Variants in SLC25A48 observed in about 807,000 individuals in gnomAD.
SLC25A48 encodes solute carrier family 25 member 48, also known as CTC-321K16.1.
A neutral mutation model predicts 32.2 loss-of-function variants in SLC25A48; 29 were observed. The ratio of observed to expected loss-of-function variants is 0.90; its 90% CI spans 0.67 to 1.23. The LOEUF (loss-of-function observed/expected upper bound fraction) is 1.23, where lower values mean the gene tolerates loss of function less well. Among genes scored for constraint, SLC25A48 ranks in the 50% most tolerant of loss-of-function variants. The probability of loss-of-function intolerance (pLI) is 0.00; values close to 1 mark genes in which losing one functional copy is unlikely to be tolerated. For missense variants in SLC25A48, 399 were observed against 422.7 expected (o/e 0.94, Z 0.49); for synonymous variants, 164 against 172.3 (o/e 0.95, Z 0.38).
At position 135,871,556 on chromosome 5, in the gene SLC25A48, G is replaced by A. The variant is rs368567314; in HGVS notation, c.517G>A (p.Gly173Ser). 1.1e-5 allele frequency: 18 copies of A among 1,614,070 alleles called. No homozygotes were observed. Among genetic ancestry groups the A allele is most frequent in the Non-Finnish European group, 1.5e-5 (18 of 1,180,032 alleles). The change falls in exon 5 of 8, where the codon GGC becomes AGC. Residue 173 changes from glycine (G) to serine (S), a missense_variant. Physicochemically the swap from Gly to Ser is moderately conservative, Grantham distance 56. Coordinates refer to ENST00000681962, the MANE Select transcript of SLC25A48 (RefSeq NM_001349336.2). The part of the protein sequence containing the change: ...HCITTIVRNE[G>S]LAGLYRGASA... ...CATTACAACCATTGTGAGGAATGAG[G>A]GCCTGGCGGGGCTATACCGGGGGGC...
intron 3 of SLC25A48, among the ~76,000 whole-genome samples, chr5:135,754,410 A>G (rs1265249929): frequency 6.6e-6 from 1 of 152,072 alleles, no homozygotes; most frequent in African/African-American, 2.4e-5. Flanking sequence ...ATCATATTAC[A>G]GTGTTGACAT....
Position 135,781,201 on chromosome 5 carries a change from G to A in SLC25A48, c.-520-31322G>A, listed in dbSNP as rs549973152. Among the ~76,000 whole-genome samples the A allele has an allele frequency of 4.3e-5, 5 of 116,430 alleles. 2 individuals are homozygous for A. The highest frequency in any genetic ancestry group is 6.1e-4 in the South Asian group (2 of 3,262). The allele number at this position is 116,430 out of a possible 152,430, so 76.4% of individuals were successfully genotyped here. Reference sequence around the variant, plus strand: ...TGATATTGTTCCCAATATCACAGGCGATGTACACCCCCGCTGTGATATTGT... The same window carrying A: ...TGATATTGTTCCCAATATCACAGGCAATGTACACCCCCGCTGTGATATTGT... On this transcript the variant is annotated intron_variant, in intron 3 of 10. Transcript: ENST00000646290.
intron 7 of SLC25A48, 149 bp downstream of exon 7, chr5:135,880,246 G>T: frequency 8.4e-7 from 1 of 1,185,120 alleles, no homozygotes. Flanking sequence ...CACCCTTTTC[G>T]TCACCAAACA....
intron 1 of SLC25A48, among the ~76,000 whole-genome samples, chr5:135,584,926 A>G (rs1301142383): frequency 6.6e-6 from 1 of 152,254 alleles, no homozygotes; most frequent in African/African-American, 2.4e-5. Context: ...GTTGTTGTAA[A>G]GCTTCTCTCC....
chr5:135,666,315 G>A (rs1175098362), intron 3 of SLC25A48, among the ~76,000 whole-genome samples: 1 of 152,172 alleles, frequency 6.6e-6, no homozygotes, highest in Non-Finnish European at 1.5e-5. Flanking sequence ...TTATTAGAGG[G>A]CTAATTTTAG....
intron 3 of SLC25A48, chr5:135,746,373 A>T (rs1459920168): frequency 6.0e-6 from 1 of 166,764 alleles, no homozygotes; most frequent in African/African-American, 2.4e-5. Flanking sequence ...CACAGAGACA[A>T]GACCACAGTT....
chr5:135,858,406 C>T (rs544317235), intron 4 of SLC25A48, among the ~76,000 whole-genome samples: 5 of 152,316 alleles, frequency 3.3e-5, no homozygotes, highest in Admixed American at 2.0e-4. Context: ...CCACCTCTGC[C>T]GTGCCCCCAC....
At chr5:135,879,599 AGAGAGAGAGAGAGTGTGTGTGTGTGT>A (rs1219190422) in intron 6 of SLC25A48, among the ~76,000 whole-genome samples, 3 of 139,092 alleles carry the variant, frequency 2.2e-5, no homozygotes, top group Non-Finnish European at 4.5e-5. Flanking sequence ...AGAGAGAGAG[AGAGAGAGAGAGAGTGTGTGTGTGTGT>A]GTGTGTGTGT....
At chr5:135,812,288 C>A (rs1162334754) in intron 3 of SLC25A48, among the ~76,000 whole-genome samples, 1 of 152,148 alleles carries the variant, frequency 6.6e-6, no homozygotes, top group Non-Finnish European at 1.5e-5. Context: ...TCCCCTCCAG[C>A]ATTTATCATT....
At chr5:135,789,491 C>T (rs922002984) in intron 3 of SLC25A48, among the ~76,000 whole-genome samples, 11 of 151,442 alleles carry the variant, frequency 7.3e-5, no homozygotes, top group African/African-American at 2.2e-4. Context: ...GGTGTACAAC[C>T]GCCTGCGGAA....
At chr5:135,874,477 G>C (rs1040690209) in intron 6 of SLC25A48, among the ~76,000 whole-genome samples, 2 of 152,210 alleles carry the variant, frequency 1.3e-5, no homozygotes, top group African/African-American at 4.8e-5. Context: ...CATCAAGATA[G>C]GTTGGGCAGC....
At chr5:135,632,808 C>G (rs979183519) in intron 2 of SLC25A48, among the ~76,000 whole-genome samples, 17 of 152,346 alleles carry the variant, frequency 1.1e-4, no homozygotes, top group African/African-American at 3.4e-4. Context: ...TCAGCAGTGG[C>G]TCTCATGCAG....
chr5:135,807,848 A>G (rs957811966), intron 3 of SLC25A48, among the ~76,000 whole-genome samples: 7 of 150,436 alleles, frequency 4.7e-5, no homozygotes, highest in African/African-American at 1.7e-4. Context: ...TTAACTTCAG[A>G]TATTATAAAT....
chr5:135,775,565 C>G (rs1045318078), intron 3 of SLC25A48, among the ~76,000 whole-genome samples: 1 of 151,470 alleles, frequency 6.6e-6, no homozygotes, highest in Non-Finnish European at 1.5e-5. Context: ...GATATTGTTC[C>G]TAATATCTGG....
intron 3 of SLC25A48, chr5:135,742,630 C>G (rs1057061394): frequency 3.1e-6 from 2 of 647,324 alleles, no homozygotes; most frequent in East Asian, 5.9e-5. Context: ...GGTTTCTGAC[C>G]GAACCTCGAA....
intron 3 of SLC25A48, among the ~76,000 whole-genome samples, chr5:135,635,554 C>T (rs1752680936): frequency 6.6e-6 from 1 of 152,192 alleles, no homozygotes; most frequent in African/African-American, 2.4e-5. Flanking sequence ...AGGATTTCAT[C>T]TACAGATTTT....
intron 3 of SLC25A48, among the ~76,000 whole-genome samples, chr5:135,789,161 G>A (rs1181628526): frequency 3.4e-5 from 1 of 29,308 alleles, no homozygotes; most frequent in Admixed American, 3.6e-4. Flanking sequence ...AGGGTGGGGA[G>A]GGTGATATTA....
intron 3 of SLC25A48, among the ~76,000 whole-genome samples, chr5:135,798,688 G>A (rs946491469): frequency 1.7e-4 from 26 of 151,302 alleles, no homozygotes; most frequent in African/African-American, 4.4e-4. Flanking sequence ...TCCCTAAATC[G>A]CAGGGGGTGT....
chr5:135,617,468 T>A (rs1404773872), intron 1 of SLC25A48, among the ~76,000 whole-genome samples: 2 of 152,048 alleles, frequency 1.3e-5, no homozygotes, highest in Non-Finnish European at 2.9e-5. Flanking sequence ...TCTGCTCTTA[T>A]CTTTATTATT....
Sources: allele counts gnomAD v4.1 joint callset (sites outside exome capture counted in the v4.1 genomes callset), GRCh38; gene constraint gnomAD v4.1.1; transcripts MANE v1.5; gene names NCBI Gene and HGNC (gene_info 2026-07-23, HGNC 2026-07-21).